The following KLRF1 variants were observed in gnomAD, a reference collection of about 807,000 sequenced individuals.
The protein encoded by KLRF1 is killer cell lectin like receptor F1, also known as killer cell lectin-like receptor subfamily F member 1.
KLRF1 carries 27 observed loss-of-function variants against 30.7 expected under a neutral mutation model. That is an observed-to-expected ratio of 0.88 (90% confidence interval 0.65 to 1.21). The LOEUF is 1.21. Ranked by LOEUF, KLRF1 falls within the 50% of genes most tolerant of loss-of-function variation. The probability of loss-of-function intolerance (pLI) is 0.00; values close to 1 mark genes in which losing one functional copy is unlikely to be tolerated. For missense variants in KLRF1, 246 were observed against 259.3 expected, an observed-to-expected ratio of 0.95 and a Z score of 0.35; for synonymous variants, 92 against 89.3, an observed-to-expected ratio of 1.03 and a Z score of -0.17.
Position 9,833,380 on chromosome 12 carries a change from A to G in KLRF1, c.262A>G (p.Lys88Glu), listed in dbSNP as rs2121209002. 2 of 1,612,212 alleles carry G rather than the reference A, an allele frequency of 1.2e-6. No homozygotes were observed. Among genetic ancestry groups the G allele is most frequent in the Non-Finnish European group, 1.7e-6 (2 of 1,179,006 alleles). The change falls in exon 3 of 6, where the codon AAA (lysine) becomes GAA (glutamate). Residue 88 changes from lysine to glutamate, a missense_variant. Transcript: ENST00000617889. ...ATQYEDTGDL[K>E]VNNGTRRNIS... is the part of the protein sequence containing the mutation. ...TCAGTATGAGGACACTGGAGATCTA[A>G]AAGTGAATAATGGCACAAGAAGAAA...
chr12:9,828,654 T>C (rs182995857), intron 1 of KLRF1, among the ~76,000 whole-genome samples: 2 of 152,234 alleles, frequency 1.3e-5, no homozygotes, highest in Non-Finnish European at 2.9e-5. Context: ...CCCATGAAAA[T>C]TTTACTTATC....
intron 4 of KLRF1, 91 bp from the exon 5 acceptor site, chr12:9,842,230 C>G (rs1867718415): frequency 7.3e-7 from 1 of 1,363,866 alleles, no homozygotes; most frequent in African/African-American, 1.5e-5. Context: ...AATCCCTATG[C>G]AGAGTGCTTT....
At chr12:9,834,354 A>G (rs1033926559) in intron 3 of KLRF1, among the ~76,000 whole-genome samples, 12 of 152,080 alleles carry the variant, frequency 7.9e-5, no homozygotes, top group African/African-American at 2.9e-4. Context: ...GCCTTCTTAC[A>G]GTAATAAGAA....
At chr12:9,812,259 G>A in the KLRF1 span, among the ~76,000 whole-genome samples, 1 of 151,848 alleles carries the variant, frequency 6.6e-6, no homozygotes, top group Admixed American at 6.6e-5. Flanking sequence ...CAGCTACTCG[G>A]GAGGCTGAGG....
chr12:9,815,373 C>A, the KLRF1 span, among the ~76,000 whole-genome samples: 1 of 152,240 alleles, frequency 6.6e-6, no homozygotes, highest in African/African-American at 2.4e-5. Context: ...TCTACACTAA[C>A]TTCTGAGAGA....
intron 3 of KLRF1, among the ~76,000 whole-genome samples, chr12:9,841,420 T>A (rs1486140363): frequency 3.3e-5 from 5 of 152,068 alleles, no homozygotes; most frequent in Admixed American, 3.3e-4. Context: ...GACACAAATT[T>A]ACCTATGTAA....
At chr12:9,814,455 A>C in the KLRF1 span, among the ~76,000 whole-genome samples, 10,780 of 152,172 alleles carry the variant, frequency 0.071, 510 homozygotes, top group East Asian at 0.23. Context: ...TGAGGGTAGG[A>C]CCACACCACC....
chr12:9,833,567 G>GTCTACT, intron 3 of KLRF1, 115 bp downstream of exon 3: 1 of 894,202 alleles, frequency 1.1e-6, no homozygotes, highest in Non-Finnish European at 1.5e-6. Flanking sequence ...TTTGGTATAA[G>GTCTACT]TCTACTTTTC....
chr12:9,827,594 G>T lies in KLRF1; in HGVS notation c.50G>T (p.Arg17Met). ...ACATTGAATGTACAGTCAAAGAAAA[G>T]GAGTTCTGCCCAAACATCTCAACTT... ...YMTLNVQSKKRSSAQTSQLTF... is the reference protein window; with the variant it reads ...YMTLNVQSKKMSSAQTSQLTF... The change falls in exon 1 of 6, where the codon AGG (arginine) becomes ATG (methionine). Residue 17 changes from arginine to methionine, a missense_variant. Coordinates refer to ENST00000617889, the MANE Select transcript of KLRF1 (RefSeq NM_016523.3). 6.2e-7 allele frequency: 1 copy of T among 1,608,458 alleles called. No homozygotes were observed. Among genetic ancestry groups the T allele is most frequent in the Non-Finnish European group, 8.5e-7 (1 of 1,176,628 alleles).
At chr12:9,809,550 G>T in the KLRF1 span, among the ~76,000 whole-genome samples, 1 of 152,124 alleles carries the variant, frequency 6.6e-6, no homozygotes, top group Admixed American at 6.5e-5. Flanking sequence ...GAATAAGTTT[G>T]TTAACGTAAA....
At chr12:9,840,867 C>A (rs1049264743) in intron 3 of KLRF1, among the ~76,000 whole-genome samples, 4 of 152,092 alleles carry the variant, frequency 2.6e-5, no homozygotes, top group African/African-American at 9.7e-5. Context: ...TAAATTTGTT[C>A]AGCCGTTATG....
intron 3 of KLRF1, among the ~76,000 whole-genome samples, chr12:9,834,544 T>C (rs1432573456): frequency 6.6e-6 from 1 of 151,786 alleles, no homozygotes; most frequent in Non-Finnish European, 1.5e-5. Flanking sequence ...TAAGGGGTGA[T>C]ATTGTGGGGT....
At chr12:9,831,180 C>T (rs1464830743) in intron 1 of KLRF1, among the ~76,000 whole-genome samples, 1 of 151,858 alleles carries the variant, frequency 6.6e-6, no homozygotes, top group Non-Finnish European at 1.5e-5. Flanking sequence ...TTTTAAGACA[C>T]ATGCTTGATT....
chr12:9,802,392 CA>C, the KLRF1 span, among the ~76,000 whole-genome samples: 3 of 151,994 alleles, frequency 2.0e-5, no homozygotes, highest in Non-Finnish European at 4.4e-5. Flanking sequence ...ACTGAATGGG[CA>C]AAAGCTGGAA....
At chr12:9,803,120 C>A in the KLRF1 span, among the ~76,000 whole-genome samples, 43,992 of 151,898 alleles carry the variant, frequency 0.29, 7,991 homozygotes, top group Non-Finnish European at 0.39. Context: ...GACACATAGA[C>A]CAATGGAACA....
At chr12:9,839,508 G>A (rs1272675679) in intron 3 of KLRF1, among the ~76,000 whole-genome samples, 1 of 151,874 alleles carries the variant, frequency 6.6e-6, no homozygotes, top group Admixed American at 6.6e-5. Context: ...TCAGAACATA[G>A]AAAGAACACT....
At chr12:9,817,427 C>T in the KLRF1 span, 1 of 430,894 alleles carries the variant, frequency 2.3e-6, no homozygotes. Flanking sequence ...CTTTTTATCA[C>T]AGACGGAGCT....
At chr12:9,842,203 G>A in intron 4 of KLRF1, 118 bp from the exon 5 acceptor site, 7 of 1,036,304 alleles carry the variant, frequency 6.8e-6, no homozygotes, top group Non-Finnish European at 9.8e-6. Context: ...AGTAAGATAT[G>A]AATTGATTAC....
At chr12:9,829,902 C>T (rs1867372494) in intron 1 of KLRF1, among the ~76,000 whole-genome samples, 1 of 152,148 alleles carries the variant, frequency 6.6e-6, no homozygotes, top group Non-Finnish European at 1.5e-5. Context: ...CTCTTTTGTT[C>T]TTTCAGATAA....
Sources: allele counts gnomAD v4.1 joint callset (sites outside exome capture counted in the v4.1 genomes callset), GRCh38; gene constraint gnomAD v4.1.1; transcripts MANE v1.5; gene names NCBI Gene and HGNC (gene_info 2026-07-23, HGNC 2026-07-21).